C10orf90: variants seen among roughly 807,000 people sequenced by gnomAD.
C10orf90 encodes the protein chromosome 10 open reading frame 90, also known as (E2-independent) E3 ubiquitin-conjugating enzyme FATS.
C10orf90 carries 56 observed loss-of-function variants against 62.5 expected under a neutral mutation model. The observed-to-expected ratio is 0.90, with a 90% CI of 0.72 to 1.12. The LOEUF is 1.12. Ranked by LOEUF, C10orf90 falls within the 50% of genes most tolerant of loss-of-function variation. The pLI is 0.00. For missense variants in C10orf90, 970 were observed against 880.4 expected, an observed-to-expected ratio of 1.10 and a Z score of -1.29; for synonymous variants, 386 against 340.4, an observed-to-expected ratio of 1.13 and a Z score of -1.47.
At chr10:126,440,209 C>T (rs553798931) in intron 7 of C10orf90, among the ~76,000 whole-genome samples, 24 of 152,242 alleles carry the variant, frequency 1.6e-4, no homozygotes, top group African/African-American at 4.6e-4. Context: ...GGTGCTATTA[C>T]GGAGTGCAAC....
chr10:126,565,334 T>TAA (rs1591104304), intron 2 of C10orf90, among the ~76,000 whole-genome samples: 1 of 44,546 alleles, frequency 2.2e-5, no homozygotes, highest in African/African-American at 1.2e-4. Flanking sequence ...TATATTTATA[T>TAA]TATATATAAT....
At chr10:126,591,887 A>G (rs1033811131) in intron 2 of C10orf90, among the ~76,000 whole-genome samples, 14 of 152,190 alleles carry the variant, frequency 9.2e-5, no homozygotes, top group African/African-American at 3.4e-4. Flanking sequence ...AACCACTAGC[A>G]TTCCTATACA....
At chr10:126,552,892 A>G (rs1864669274) in intron 2 of C10orf90, among the ~76,000 whole-genome samples, 1 of 152,248 alleles carries the variant, frequency 6.6e-6, no homozygotes, top group Admixed American at 6.5e-5. Flanking sequence ...AAACACTCAG[A>G]ATGCCACTGC....
chr10:126,501,763 C>T (rs1325290227), intron 4 of C10orf90, among the ~76,000 whole-genome samples: 1 of 152,094 alleles, frequency 6.6e-6, no homozygotes, highest in African/African-American at 2.4e-5. Flanking sequence ...ATGTCTTTTG[C>T]AGCAACTTGG....
intron 2 of C10orf90, among the ~76,000 whole-genome samples, chr10:126,529,097 G>A (rs1025437157): frequency 2.5e-4 from 38 of 152,302 alleles, no homozygotes; most frequent in African/African-American, 9.1e-4. Context: ...CTATCTGTCA[G>A]TGGATATACA....
At position 126,532,574 on chromosome 10, in the gene C10orf90, A is replaced by C. The variant is rs547116291; in HGVS notation, c.314-18635T>G. Among the ~76,000 whole-genome samples the C allele has an allele frequency of 3.3e-5, 5 of 151,974 alleles. No homozygotes were observed. In the East Asian group the frequency reaches 9.8e-4, roughly 30 times the overall value. ...AGCACATGGCCGGGCGCGGTGGCTC[A>C]CGCCTATAGTCCCTGCACTTTGGGA... On this transcript the variant is annotated intron_variant, in intron 2 of 9. Coordinates refer to ENST00000488181, the MANE Select transcript of C10orf90 (RefSeq NM_001350921.2).
intron 3 of C10orf90, among the ~76,000 whole-genome samples, chr10:126,506,353 T>C (rs1429850205): frequency 6.6e-6 from 1 of 152,216 alleles, no homozygotes. Flanking sequence ...GCTAACAGGG[T>C]CCTGGCCCCC....
chr10:126,436,852 G>T (rs943891940), intron 7 of C10orf90, among the ~76,000 whole-genome samples: 17 of 151,924 alleles, frequency 1.1e-4, no homozygotes, highest in African/African-American at 3.6e-4. Context: ...TAGAGATGGG[G>T]GTGGTCTCAC....
chr10:126,474,881 G>A (rs1281805831), intron 4 of C10orf90, among the ~76,000 whole-genome samples: 1 of 152,192 alleles, frequency 6.6e-6, no homozygotes, highest in Non-Finnish European at 1.5e-5. Flanking sequence ...AACATCATCG[G>A]CTCATTTGCT....
chr10:126,489,983 A>AT (rs1418726441), intron 4 of C10orf90, among the ~76,000 whole-genome samples: 2 of 110,420 alleles, frequency 1.8e-5, no homozygotes, highest in East Asian at 4.7e-4. Context: ...CATATAATAT[A>AT]TATATAATAT....
chr10:126,637,614 G>A (rs1591164365), intron 2 of C10orf90, among the ~76,000 whole-genome samples: 1 of 152,212 alleles, frequency 6.6e-6, no homozygotes, highest in East Asian at 1.9e-4. Context: ...CAGAGGACAT[G>A]CAGGTAAGGG....
chr10:126,599,357 T>C (rs1474052373), intron 2 of C10orf90, among the ~76,000 whole-genome samples: 2 of 150,070 alleles, frequency 1.3e-5, no homozygotes. Context: ...GGCTAATTTT[T>C]TGTATTTTTT....
chr10:126,598,259 A>G (rs954013878), intron 2 of C10orf90, among the ~76,000 whole-genome samples: 2 of 151,860 alleles, frequency 1.3e-5, no homozygotes, highest in African/African-American at 4.8e-5. Context: ...CTTCTCCAGC[A>G]GCTGTAGGAC....
In C10orf90 at chr10:126,486,286, T is replaced by C. The variant is rs541391005; in HGVS notation, c.1534+17671A>G. On this transcript the variant is annotated intron_variant, in intron 4 of 9. Coordinates refer to ENST00000488181, the MANE Select transcript of C10orf90 (RefSeq NM_001350921.2). The stretch of plus-strand genomic sequence containing the variant: ...TGTGGACAACCACAAGCTGGAAATT[T>C]AGCAAGAAGTAAGCCCAGCTGAGAG... Among the ~76,000 whole-genome samples, 6 of 152,324 alleles carry C rather than the reference T, an allele frequency of 3.9e-5. No individual in the cohort carries two copies. The East Asian group carries it at 1.2e-3, about 29-fold the overall frequency.
intron 2 of C10orf90, among the ~76,000 whole-genome samples, chr10:126,567,744 TG>T (rs796506612): frequency 2.6e-5 from 4 of 152,168 alleles, no homozygotes; most frequent in African/African-American, 9.6e-5. Context: ...CTGTGGACCT[TG>T]TTAGAGCAAA....
intron 2 of C10orf90, among the ~76,000 whole-genome samples, chr10:126,641,653 G>A (rs181580066): frequency 2.3e-3 from 356 of 152,142 alleles, no homozygotes; most frequent in Admixed American, 3.9e-3. Context: ...TCGGCAGACA[G>A]GTAGCACAGT....
chr10:126,455,214 TC>T (rs2134084413), intron 7 of C10orf90, among the ~76,000 whole-genome samples: 1 of 152,278 alleles, frequency 6.6e-6, no homozygotes, highest in East Asian at 1.9e-4. Flanking sequence ...TTCCTTGGGC[TC>T]CTCTTTGGCC....
intron 2 of C10orf90, among the ~76,000 whole-genome samples, chr10:126,578,411 G>A (rs746567692): frequency 2.2e-4 from 34 of 152,140 alleles, no homozygotes; most frequent in Non-Finnish European, 4.0e-4. Flanking sequence ...TCAGGGCAAA[G>A]CTAAATAAAA....
At chr10:126,435,849 A>G (rs1857882828) in intron 7 of C10orf90, among the ~76,000 whole-genome samples, 2 of 152,044 alleles carry the variant, frequency 1.3e-5, no homozygotes, top group Admixed American at 1.3e-4. Flanking sequence ...TCTCTCCCCA[A>G]GTGGCACATG....
Sources: allele counts gnomAD v4.1 joint callset (sites outside exome capture counted in the v4.1 genomes callset), GRCh38; gene constraint gnomAD v4.1.1; transcripts MANE v1.5; gene names NCBI Gene and HGNC (gene_info 2026-07-23, HGNC 2026-07-21).